Variants in WNK1 observed in about 807,000 individuals in gnomAD.
WNK1 encodes the protein serine/threonine-protein kinase WNK1.
In WNK1, 38 loss-of-function variants were observed where a neutral mutation model predicts 222.8. That is an observed-to-expected ratio of 0.17 (90% CI 0.13 to 0.22). WNK1 has a LOEUF of 0.22. Ranked by LOEUF, WNK1 falls within the 10% of genes least tolerant of loss-of-function variation. WNK1 has a pLI of 1.00. For missense variants in WNK1, 2,348 were observed against 2,918.4 expected, an observed-to-expected ratio of 0.80 and a Z score of 4.50; for synonymous variants, 1,090 against 1,092.9, an observed-to-expected ratio of 1.00 and a Z score of 0.05.
chr12:823,598 C>A (rs1948086783), intron 2 of WNK1, among the ~76,000 whole-genome samples: 1 of 152,148 alleles, frequency 6.6e-6, no homozygotes, highest in Non-Finnish European at 1.5e-5. Flanking sequence ...CTACTTGGTT[C>A]CTTTTTAAAG....
chr12:787,544 C>G (rs939580187), intron 1 of WNK1, among the ~76,000 whole-genome samples: 16 of 152,202 alleles, frequency 1.1e-4, no homozygotes, highest in African/African-American at 3.9e-4. Flanking sequence ...AAGCTTGAAA[C>G]TACATTATTA....
chr12:898,409 G>C (rs555296228), intron 25 of WNK1, among the ~76,000 whole-genome samples: 1 of 151,638 alleles, frequency 6.6e-6, no homozygotes, highest in South Asian at 2.1e-4. Flanking sequence ...CATGAGCCCG[G>C]GAGGCGGAGC....
At position 908,670 on chromosome 12, in the gene WNK1, C is replaced by G. The variant is rs763934476; in HGVS notation, c.7027C>G (p.Pro2343Ala). Reference sequence around the variant, plus strand: ...CGCTCAATGGAGTGGGACGGGTGGCCCAGCACCACAGCCACTTGGCCAGTT... The same window carrying G: ...CGCTCAATGGAGTGGGACGGGTGGCGCAGCACCACAGCCACTTGGCCAGTT... Reference protein sequence around the residue: ...FGAQWSGTGGPAPQPLGQFQP... With the variant: ...FGAQWSGTGGAAPQPLGQFQP... The change falls in exon 28 of 28, where the codon CCA becomes GCA. Residue 2343 changes from proline (P) to alanine (A), a missense_variant. By Grantham distance (27) the Pro-to-Ala change is conservative. Around this residue, in one of 13 missense-constraint regions of WNK1, gnomAD observed 76 missense variants for 85.7 expected, o/e 0.89. Coordinates refer to ENST00000315939, the MANE Select transcript of WNK1 (RefSeq NM_018979.4). 1 of 1,614,136 alleles carries G rather than the reference C, an allele frequency of 6.2e-7. No individual in the cohort carries two copies.
At chr12:821,050 T>TG (rs1319655514) in intron 2 of WNK1, among the ~76,000 whole-genome samples, 1 of 111,898 alleles carries the variant, frequency 8.9e-6, no homozygotes, top group Admixed American at 8.4e-5. Flanking sequence ...GAGTTTTTTT[T>TG]TTTTTTTTTT....
At chr12:871,818 G>T (rs935217487) in intron 9 of WNK1, among the ~76,000 whole-genome samples, 3 of 152,140 alleles carry the variant, frequency 2.0e-5, no homozygotes, top group African/African-American at 7.2e-5. Flanking sequence ...GGCCAGGCTG[G>T]TCTCAAACTC....
chr12:827,555 G>GTC lies in WNK1; in HGVS notation c.1153+301_1153+302dup, dbSNP rs1173306648. 1 of 474,642 alleles carries GTC rather than the reference G, an allele frequency of 2.1e-6. No individual in the cohort carries two copies. The highest frequency in any genetic ancestry group is 1.9e-5 in the African/African-American group (1 of 51,480). The allele number at this position is 474,642 out of a possible 1,614,324, so 29.4% of individuals were successfully genotyped here. ...TTGTTGTTGTTGTTGTTGAGATGGAGTCTCTCTCTGTCACCCAGGCTAGAG... is the reference window on the plus strand; with the variant it reads ...TTGTTGTTGTTGTTGTTGAGATGGAGTCTCTCTCTCTGTCACCCAGGCTAGAG... On this transcript the variant is annotated intron_variant, in intron 3 of 27. Coordinates refer to ENST00000315939, the MANE Select transcript of WNK1 (RefSeq NM_018979.4). The surrounding 1 kb of genome is among the most constrained non-coding windows in gnomAD (Gnocchi z 4.6).
chr12:770,253 C>T (rs572779385), intron 1 of WNK1, among the ~76,000 whole-genome samples: 5 of 152,114 alleles, frequency 3.3e-5, no homozygotes, highest in African/African-American at 4.8e-5. Context: ...GGATTATAGG[C>T]GTGAGCCACT....
At chr12:838,078 AGTGT>A (rs3072742) in intron 4 of WNK1, among the ~76,000 whole-genome samples, 59,772 of 148,664 alleles carry the variant, frequency 0.4, 12,558 homozygotes, top group East Asian at 0.76. Context: ...GTAATATTCC[AGTGT>A]GTGTGTGTGT....
chr12:885,708 G>A lies in WNK1; in HGVS notation c.4904G>A (p.Cys1635Tyr). The A allele has an allele frequency of 6.2e-7, 1 of 1,614,146 alleles. No homozygotes were observed. The highest frequency in any genetic ancestry group is 1.1e-5 in the South Asian group (1 of 91,082). ...ALLPNQPHTH[C>Y]PEVDSDTQPK... ...CTTCCCAACCAGCCCCATACTCATTGTCCTGAAGTAGATTCTGATACACAA... is the reference window on the plus strand; with the variant it reads ...CTTCCCAACCAGCCCCATACTCATTATCCTGAAGTAGATTCTGATACACAA... Residue 1635 changes from cysteine (C) to tyrosine (Y), a missense_variant, in exon 19 of 28, where the codon TGT becomes TAT. By Grantham distance (194) the Cys-to-Tyr change is radical. Around this residue, in one of 13 missense-constraint regions of WNK1, gnomAD observed 1,144 missense variants for 1,273.6 expected, o/e 0.90. Transcript: ENST00000315939.
At position 884,573 on chromosome 12, in the gene WNK1, CTT is replaced by C. The variant is rs1249352056; in HGVS notation, c.3845-75_3845-74del. ...AAAAACAGATATTTATAGGAGCTGACTTAGGCTAGCAGACAATCTTTTGAATC... is the reference window on the plus strand; with the variant it reads ...AAAAACAGATATTTATAGGAGCTGACAGGCTAGCAGACAATCTTTTGAATC... On this transcript the variant is annotated intron_variant, in intron 18 of 27. Coordinates refer to ENST00000315939, the MANE Select transcript of WNK1 (RefSeq NM_018979.4). The surrounding 1 kb of genome is among the most constrained non-coding windows in gnomAD (Gnocchi z 5.6). 3 of 1,450,370 alleles carry C rather than the reference CTT, an allele frequency of 2.1e-6. No homozygotes were observed. The highest frequency in any genetic ancestry group is 2.8e-5 in the African/African-American group (2 of 71,622). The allele number at this position is 1,450,370 out of a possible 1,614,324, so 89.8% of individuals were successfully genotyped here.
intron 1 of WNK1, among the ~76,000 whole-genome samples, chr12:789,486 C>T (rs1944638394): frequency 6.6e-6 from 1 of 151,310 alleles, no homozygotes; most frequent in Non-Finnish European, 1.5e-5. Context: ...TATTATTAGT[C>T]CTTTGTTCTC....
Position 862,303 on chromosome 12 carries a change from A to G in WNK1, c.2139+33A>G, listed in dbSNP as rs144725288. 121 of 1,600,898 alleles carry G rather than the reference A, an allele frequency of 7.6e-5. No homozygotes were observed. In the African/African-American group the frequency reaches 1.2e-3, roughly 16 times the overall value. On this transcript the variant is annotated intron_variant, in intron 8 of 27. Coordinates refer to ENST00000315939, the MANE Select transcript of WNK1 (RefSeq NM_018979.4). ...AATGCTTAAGAGCATGTAATACTAC[A>G]ATGAGAGCCAATGGATAGTCTGCTA...
In WNK1 at chr12:881,807, TC is replaced by T; in HGVS notation, c.3209+19del. On this transcript the variant is annotated intron_variant, in intron 13 of 27. Transcript: ENST00000315939. ...GTAGACAGGTACGTAAAACTAGAAT[TC>T]TCCTTCCTTGACTGGTAAATAAGAC... 1.2e-6 allele frequency: 2 copies of T among 1,613,960 alleles called. No individual in the cohort carries two copies. The highest frequency in any genetic ancestry group is 1.7e-6 in the Non-Finnish European group (2 of 1,179,870).
chr12:835,737 G>A (rs1949129294), intron 4 of WNK1, among the ~76,000 whole-genome samples: 1 of 152,188 alleles, frequency 6.6e-6, no homozygotes, highest in Non-Finnish European at 1.5e-5. Context: ...GGGATCACTT[G>A]AGGTCAGGAG....
At position 862,250 on chromosome 12, in the gene WNK1, G is replaced by A. The variant is rs761380468; in HGVS notation, c.2119G>A (p.Val707Ile). ...CCAAGCACAGTCTCAGCCCCATGGGGTATATCCACCCTCAAGTGTGGTAAG... is the reference window on the plus strand; with the variant it reads ...CCAAGCACAGTCTCAGCCCCATGGGATATATCCACCCTCAAGTGTGGTAAG... Reference protein sequence around the residue: ...TVQAQSQPHGVYPPSSVAQGQ... With the variant: ...TVQAQSQPHGIYPPSSVAQGQ... The change falls in exon 8 of 28, where the codon GTA becomes ATA. Residue 707 changes from valine to isoleucine, a missense_variant. Physicochemically the swap from Val to Ile is conservative, Grantham distance 29. Transcript: ENST00000315939. 1 of 1,614,052 alleles carries A rather than the reference G, an allele frequency of 6.2e-7. No homozygotes were observed. Among genetic ancestry groups the A allele is most frequent in the Admixed American group, 1.7e-5 (1 of 60,012 alleles).
chr12:764,651 A>AG lies in WNK1; in HGVS notation c.759+10327_759+10328insG, dbSNP rs1263987289. Among the ~76,000 whole-genome samples the AG allele has an allele frequency of 4.4e-4, 63 of 144,420 alleles. 2 individuals carry two copies. The highest frequency in any genetic ancestry group is 3.6e-3 in the Middle Eastern group (1 of 280). The allele number at this position is 144,420 out of a possible 152,430, so 94.7% of individuals were successfully genotyped here. On this transcript the variant is annotated intron_variant, in intron 1 of 27. Transcript: ENST00000315939. Reference sequence around the variant, plus strand: ...CTCCGTCTCAAAAAAAAAAAAAAAAAAAAGAAAGAAAAATCATTAACATTC... The same window carrying AG: ...CTCCGTCTCAAAAAAAAAAAAAAAAAGAAAGAAAGAAAAATCATTAACATTC...
chr12:859,434 A>C lies in WNK1; in HGVS notation c.1590A>C (p.Arg530Ser), dbSNP rs771682835. 4.3e-6 allele frequency: 7 copies of C among 1,612,374 alleles called. No homozygotes were observed. In the East Asian group the frequency reaches 1.3e-4, roughly 31 times the overall value. Residue 530 changes from arginine to serine, a missense_variant, in exon 6 of 28, where the codon AGA becomes AGC. By Grantham distance (110) the Arg-to-Ser change is moderately radical. Around this residue, in one of 13 missense-constraint regions of WNK1, gnomAD observed 37 missense variants for 102.8 expected, o/e 0.36. Coordinates refer to ENST00000315939, the MANE Select transcript of WNK1 (RefSeq NM_018979.4). The part of the protein sequence containing the change: ...EAIEFSFDLE[R>S]DVPEDVAQEM... ...TTGAGTTTTCTTTTGATTTAGAGAGAGATGTCCCAGAAGATGTTGCACAAG... is the reference window on the plus strand; with the variant it reads ...TTGAGTTTTCTTTTGATTTAGAGAGCGATGTCCCAGAAGATGTTGCACAAG...
At chr12:862,740 C>G (rs1951314634) in intron 8 of WNK1, among the ~76,000 whole-genome samples, 1 of 152,178 alleles carries the variant, frequency 6.6e-6, no homozygotes, top group African/African-American at 2.4e-5. Context: ...ATTTGAATGA[C>G]TGTTTAATTT....
intron 5 of WNK1, among the ~76,000 whole-genome samples, chr12:857,959 C>A (rs765890): frequency 6.6e-6 from 1 of 152,330 alleles, no homozygotes; most frequent in East Asian, 1.9e-4. Flanking sequence ...TGAGCATAAT[C>A]TACCACTTGA....
Sources: gnomAD v4.1 joint callset for allele counts (sites outside exome capture counted in the v4.1 genomes callset) on GRCh38, gnomAD v4.1.1 for gene constraint, gnomAD v4.1.1 regional missense constraint, Gnocchi (gnomAD v3.1) non-coding constraint, MANE v1.5 for transcripts, NCBI Gene and HGNC (gene_info 2026-07-23, HGNC 2026-07-21) for gene names.